Variants in AHCYL2 observed in about 807,000 individuals in gnomAD.
The protein encoded by AHCYL2 is adenosylhomocysteinase like 2.
In AHCYL2, 28 loss-of-function variants were observed where a neutral mutation model predicts 81.4. The ratio of observed to expected loss-of-function variants is 0.34; its 90% confidence interval spans 0.25 to 0.47. The LOEUF is 0.47. AHCYL2 is among the 20% of genes least tolerant of loss of function. The probability of loss-of-function intolerance (pLI) is 1.00; values close to 1 mark genes in which losing one functional copy is unlikely to be tolerated. For missense variants in AHCYL2, 551 were observed against 785.1 expected, an observed-to-expected ratio of 0.70 and a Z score of 3.56; for synonymous variants, 272 against 290.2, an observed-to-expected ratio of 0.94 and a Z score of 0.64.
chr7:129,240,547 A>G (rs911642981), intron 1 of AHCYL2, among the ~76,000 whole-genome samples: 2 of 152,146 alleles, frequency 1.3e-5, no homozygotes, highest in Non-Finnish European at 2.9e-5. Flanking sequence ...AATGCTACAA[A>G]GCCAGTTTGA....
intron 1 of AHCYL2, among the ~76,000 whole-genome samples, chr7:129,303,104 A>G (rs923228821): frequency 1.3e-5 from 2 of 152,072 alleles, no homozygotes; most frequent in Non-Finnish European, 2.9e-5. Flanking sequence ...GGGTTCAAGT[A>G]ATTCCCCTGC....
intron 1 of AHCYL2, among the ~76,000 whole-genome samples, chr7:129,237,424 A>G (rs911037405): frequency 6.6e-6 from 1 of 152,150 alleles, no homozygotes; most frequent in Admixed American, 6.6e-5. Context: ...CTTAGTTTAC[A>G]TGTAGAAGAA....
intron 1 of AHCYL2, among the ~76,000 whole-genome samples, chr7:129,264,787 C>T (rs1795761253): frequency 6.6e-6 from 1 of 152,188 alleles, no homozygotes; most frequent in South Asian, 2.1e-4. Flanking sequence ...GTGACAGAGA[C>T]TCCTAGTTGT....
At chr7:129,412,217 C>T (rs1320077361) in intron 11 of AHCYL2, among the ~76,000 whole-genome samples, 1 of 151,796 alleles carries the variant, frequency 6.6e-6, no homozygotes, top group Admixed American at 6.6e-5. Context: ...TGGGTGTGGT[C>T]CCAGATACTC....
intron 1 of AHCYL2, among the ~76,000 whole-genome samples, chr7:129,301,351 A>T (rs1164018096): frequency 3.3e-5 from 5 of 152,004 alleles, no homozygotes; most frequent in African/African-American, 9.7e-5. Context: ...GCTGTGTAGA[A>T]GCTTTTTAAC....
intron 13 of AHCYL2, 44 bp from the exon 14 acceptor site, chr7:129,424,830 C>A (rs189317822): frequency 1.2e-6 from 2 of 1,607,122 alleles, no homozygotes; most frequent in Non-Finnish European, 8.5e-7. Context: ...CAAAGGCCAG[C>A]GACTTTGTCC....
intron 4 of AHCYL2, among the ~76,000 whole-genome samples, chr7:129,394,988 A>G (rs1795655587): frequency 6.6e-6 from 1 of 151,378 alleles, no homozygotes; most frequent in Admixed American, 6.6e-5. Context: ...TTGTTTACTT[A>G]TTTCCTGACA....
Position 129,369,844 on chromosome 7 carries a change from G to A in AHCYL2, c.364-9794G>A, listed in dbSNP as rs903895278. Among the ~76,000 whole-genome samples the A allele has an allele frequency of 1.6e-4, 25 of 152,170 alleles. No homozygotes were observed. In the East Asian group the frequency reaches 3.7e-3, roughly 22 times the overall value. On this transcript the variant is annotated intron_variant, in intron 1 of 16. Coordinates refer to ENST00000325006, the MANE Select transcript of AHCYL2 (RefSeq NM_015328.4). The stretch of plus-strand genomic sequence containing the variant: ...TGGGATTACAGGTGTGAGCCACCAC[G>A]CTCAGTCTTGTGTTCAATTTTAAAA...
chr7:129,305,839 T>C (rs75018888), intron 1 of AHCYL2, among the ~76,000 whole-genome samples: 1 of 152,230 alleles, frequency 6.6e-6, no homozygotes, highest in Non-Finnish European at 1.5e-5. Flanking sequence ...TTCTCCTTCA[T>C]GTTTGAAGCA....
intron 5 of AHCYL2, among the ~76,000 whole-genome samples, chr7:129,398,481 C>T (rs1434985680): frequency 2.0e-5 from 3 of 151,616 alleles, no homozygotes; most frequent in Non-Finnish European, 2.9e-5. Flanking sequence ...CAGGTTCAAG[C>T]GATTCTCCTG....
At chr7:129,357,697 C>T (rs910378635) in intron 1 of AHCYL2, among the ~76,000 whole-genome samples, 6 of 151,788 alleles carry the variant, frequency 4.0e-5, no homozygotes, top group African/African-American at 1.2e-4. Flanking sequence ...CACTTTGGGA[C>T]GCCGAGGTGG....
At chr7:129,265,876 A>G (rs1285286342) in intron 1 of AHCYL2, among the ~76,000 whole-genome samples, 2 of 152,214 alleles carry the variant, frequency 1.3e-5, no homozygotes, top group African/African-American at 2.4e-5. Flanking sequence ...GGAGCAGATA[A>G]TAGCGGTGAC....
At chr7:129,379,857 G>A in intron 2 of AHCYL2, 108 bp downstream of exon 2, 1 of 758,754 alleles carries the variant, frequency 1.3e-6, no homozygotes, top group Non-Finnish European at 2.0e-6. Flanking sequence ...ACTGTGCTTT[G>A]AATAAATACT....
At position 129,410,303 on chromosome 7, in the gene AHCYL2, C is replaced by A. The variant is rs1012277158; in HGVS notation, c.1366+757C>A. ...TTTCTTACGGGTCTCCAGGTCCTTT[C>A]GAATGTTCTCAAACTCTTCAATGTC... On this transcript the variant is annotated intron_variant, in intron 11 of 16. Transcript: ENST00000325006. The A allele has an allele frequency of 4.3e-6, 7 of 1,614,048 alleles. No homozygotes were observed. In the African/African-American group the frequency reaches 8.0e-5, roughly 18 times the overall value.
chr7:129,276,721 C>T (rs1282985371), intron 1 of AHCYL2, among the ~76,000 whole-genome samples: 1 of 130,836 alleles, frequency 7.6e-6, no homozygotes, highest in Non-Finnish European at 1.6e-5. Context: ...TGCACTCCAG[C>T]CTGGGCAACT....
rs1797031904 is a variant in AHCYL2, at chr7:129,419,845, G to A, written c.1462-2995G>A. On this transcript the variant is annotated intron_variant, in intron 12 of 16. Transcript: ENST00000325006. This position sits in a 1 kb window ranked among gnomAD's most constrained non-coding sequence, Gnocchi z 4.7. ...ATGGTGGGATGTACACCTGGTTTGGGAAGGTAGTCTGCACAGGAATCCCTT... is the reference window on the plus strand; with the variant it reads ...ATGGTGGGATGTACACCTGGTTTGGAAAGGTAGTCTGCACAGGAATCCCTT... Among the ~76,000 whole-genome samples the A allele has an allele frequency of 6.6e-6, 1 of 152,184 alleles. No homozygotes were observed. The highest frequency in any genetic ancestry group is 2.4e-5 in the African/African-American group (1 of 41,450).
intron 1 of AHCYL2, among the ~76,000 whole-genome samples, chr7:129,252,885 G>A (rs1269087357): frequency 6.6e-6 from 1 of 152,048 alleles, no homozygotes; most frequent in Non-Finnish European, 1.5e-5. Context: ...AAGATTAGAA[G>A]ACTCAGCAGG....
At chr7:129,320,419 C>T (rs1359615642) in intron 1 of AHCYL2, among the ~76,000 whole-genome samples, 1 of 152,116 alleles carries the variant, frequency 6.6e-6, no homozygotes, top group African/African-American at 2.4e-5. Flanking sequence ...TGGGTTCAAG[C>T]GATTCTCCTG....
rs966756239 is a variant in AHCYL2 at position 129,322,601 on chromosome 7, C to CT, written c.364-57029dup. On this transcript the variant is annotated intron_variant, in intron 1 of 16. Coordinates refer to ENST00000325006, the MANE Select transcript of AHCYL2 (RefSeq NM_015328.4). ...TTCATAATTTTTCTTTTTTCTTTTT[C>CT]TTTTTTTTGAGACAGGGTCTCACTC... 7.7e-4 allele frequency among the ~76,000 whole-genome samples: 116 copies of CT among 151,046 alleles called. No homozygotes were observed. In the Middle Eastern group the frequency reaches 0.01, roughly 13 times the overall value.
Sources: allele counts gnomAD v4.1 joint callset (sites outside exome capture counted in the v4.1 genomes callset), GRCh38; gene constraint gnomAD v4.1.1; non-coding constraint Gnocchi (gnomAD v3.1); transcripts MANE v1.5; gene names NCBI Gene and HGNC (gene_info 2026-07-23, HGNC 2026-07-21).